NEDD9: variants seen among roughly 807,000 people sequenced by gnomAD.
NEDD9 encodes the protein enhancer of filamentation 1.
In NEDD9, 26 loss-of-function variants were observed where a neutral mutation model predicts 76.6. The ratio of observed to expected loss-of-function variants is 0.34; its 90% CI spans 0.25 to 0.47. The LOEUF is 0.47. Among genes scored for constraint, NEDD9 ranks in the 20% least tolerant of loss-of-function variants. The probability of loss-of-function intolerance (pLI) is 1.00; values close to 1 mark genes in which losing one functional copy is unlikely to be tolerated. For missense variants in NEDD9, 937 were observed against 1,058.5 expected, an observed-to-expected ratio of 0.89 and a Z score of 1.59; for synonymous variants, 392 against 414.2, an observed-to-expected ratio of 0.95 and a Z score of 0.65.
intron 3 of NEDD9, among the ~76,000 whole-genome samples, chr6:11,240,591 G>A (rs763677133): frequency 2.6e-5 from 4 of 152,158 alleles, no homozygotes; most frequent in Admixed American, 6.6e-5. Context: ...AAAACTGTGC[G>A]ATTGTGAAGT....
intron 3 of NEDD9, among the ~76,000 whole-genome samples, chr6:11,291,562 C>A (rs541864154): frequency 1.3e-5 from 2 of 152,298 alleles, no homozygotes; most frequent in East Asian, 3.9e-4. Context: ...GCGTGAGCCA[C>A]CGCGCCCGGC....
At chr6:11,266,651 A>G (rs779278568) in intron 3 of NEDD9, among the ~76,000 whole-genome samples, 4 of 152,172 alleles carry the variant, frequency 2.6e-5, no homozygotes, top group Non-Finnish European at 4.4e-5. Context: ...CTTAGTCTTC[A>G]ACTACTGTAT....
intron 3 of NEDD9, among the ~76,000 whole-genome samples, chr6:11,298,149 C>G (rs1190114510): frequency 6.6e-6 from 1 of 152,120 alleles, no homozygotes; most frequent in African/African-American, 2.4e-5. Context: ...CTCAACTTAT[C>G]TGCCCGCCTT....
At chr6:11,353,388 G>T (rs570409605) in intron 1 of NEDD9, among the ~76,000 whole-genome samples, 1 of 152,218 alleles carries the variant, frequency 6.6e-6, no homozygotes, top group African/African-American at 2.4e-5. Flanking sequence ...TGAAAGAGAC[G>T]CAGAGGGAGA....
chr6:11,243,768 T>A (rs973534370), intron 3 of NEDD9, among the ~76,000 whole-genome samples: 5 of 152,212 alleles, frequency 3.3e-5, no homozygotes, highest in Non-Finnish European at 5.9e-5. Context: ...ATCTATCTCA[T>A]GCTCTCCAAT....
At chr6:11,206,426 A>T (rs560067553) in intron 2 of NEDD9, among the ~76,000 whole-genome samples, 1 of 151,664 alleles carries the variant, frequency 6.6e-6, no homozygotes, top group Non-Finnish European at 1.5e-5. Flanking sequence ...TCTCAAAAAT[A>T]AAAAAAAAGA....
intron 1 of NEDD9, among the ~76,000 whole-genome samples, chr6:11,223,213 A>G (rs1363771871): frequency 6.6e-6 from 1 of 152,242 alleles, no homozygotes; most frequent in Non-Finnish European, 1.5e-5. Context: ...AGGAGGGTCT[A>G]GCTTCAGACT....
Position 11,338,841 on chromosome 6 carries a change from G to A in NEDD9, c.-213-4280C>T, listed in dbSNP as rs140082380. Reference sequence around the variant, plus strand: ...GGAGGCTGAGGCAGGAGAATTGCTTGAACCTGGGAGGCAGAAGTTGCAGTG... The same window carrying A: ...GGAGGCTGAGGCAGGAGAATTGCTTAAACCTGGGAGGCAGAAGTTGCAGTG... On this transcript the variant is annotated intron_variant, in intron 1 of 3. Transcript: ENST00000397378. Among the ~76,000 whole-genome samples the A allele has an allele frequency of 9.0e-4, 136 of 150,862 alleles. 1 individual carries two copies. Among genetic ancestry groups the A allele is most frequent in the Non-Finnish European group, 1.7e-3 (112 of 67,878 alleles).
chr6:11,237,103 C>T (rs1759618708), upstream of NEDD9, among the ~76,000 whole-genome samples: 1 of 152,154 alleles, frequency 6.6e-6, no homozygotes, highest in Non-Finnish European at 1.5e-5. The surrounding 1 kb of genome is among the most constrained non-coding windows in gnomAD (Gnocchi z 4.9). Flanking sequence ...GTCTACAACC[C>T]CCACCCTGCC....
chr6:11,374,167 C>T (rs1762932682), intron 1 of NEDD9, among the ~76,000 whole-genome samples: 1 of 152,062 alleles, frequency 6.6e-6, no homozygotes. Flanking sequence ...CTCAATGAAT[C>T]AATCAATATA....
chr6:11,185,485 C>T lies in NEDD9; in HGVS notation c.2182G>A (p.Ala728Thr), dbSNP rs760782051. ...HFISLLNAID[A>T]LFSCVSSAQP... ...GCTGAGCTGACACAACTGAAGAGTG[C>T]GTCAATGGCGTTGAGAAGGGAAATG... Residue 728 changes from alanine (A) to threonine (T), a missense_variant, in exon 7 of 7, where the codon GCA becomes ACA. Transcript: ENST00000379446. The T allele has an allele frequency of 1.5e-5, 24 of 1,614,150 alleles. 1 individual carries two copies. The highest frequency in any genetic ancestry group is 3.3e-4 in the Middle Eastern group (2 of 6,062).
At position 11,191,098 on chromosome 6, in the gene NEDD9, C is replaced by G; in HGVS notation, c.771G>C (p.Pro257=). The G allele has an allele frequency of 6.2e-7, 1 of 1,613,994 alleles. No homozygotes were observed. The highest frequency in any genetic ancestry group is 8.5e-7 in the Non-Finnish European group (1 of 1,180,018). Residue 257 remains proline, a synonymous_variant, in exon 5 of 7, where the codon CCG becomes CCC. Coordinates refer to ENST00000379446, the MANE Select transcript of NEDD9 (RefSeq NM_006403.4). ...MRQAGRPDLR[P]EGVYDIPPTC... is the part of the protein sequence containing the mutation. The stretch of plus-strand genomic sequence containing the variant: ...TTGGAGGAATGTCATAAACCCCCTC[C>G]GGTCTGAGGTCCGGCCTTCCAGCTT...
intron 2 of NEDD9, among the ~76,000 whole-genome samples, chr6:11,201,630 A>G (rs1758459377): frequency 6.6e-6 from 1 of 152,166 alleles, no homozygotes. Context: ...CTAGTGACTT[A>G]TTATTATTTA....
chr6:11,248,957 C>G (rs1759861533), intron 3 of NEDD9: 1 of 374,598 alleles, frequency 2.7e-6, no homozygotes. Flanking sequence ...CCTGCCTTCT[C>G]CTTCTCTTCT....
chr6:11,358,246 CAAAAAAAAAAAAAAAA>C (rs35011508), intron 1 of NEDD9, among the ~76,000 whole-genome samples: 11 of 61,300 alleles, frequency 1.8e-4, no homozygotes, highest in Non-Finnish European at 3.1e-4. Context: ...AAGACTCCGT[CAAAAAAAAAAAAAAAA>C]AAAAAAAAAA....
At position 11,351,063 on chromosome 6, in the gene NEDD9, G is replaced by A. The variant is rs571924114; in HGVS notation, c.-213-16502C>T. On this transcript the variant is annotated intron_variant, in intron 1 of 3. Coordinates refer to the NEDD9 transcript ENST00000397378. ...TCACAGAGTTGCCATTTTCTTTTGA[G>A]AAGTGGATTCTTAAAGGGAGAAAAG... Among the ~76,000 whole-genome samples the A allele has an allele frequency of 4.6e-5, 7 of 152,310 alleles. No individual in the cohort carries two copies. In the East Asian group the frequency reaches 1.3e-3, roughly 29 times the overall value.
intron 1 of NEDD9, among the ~76,000 whole-genome samples, chr6:11,230,463 A>G (rs1759436101): frequency 6.6e-6 from 1 of 152,250 alleles, no homozygotes; most frequent in Non-Finnish European, 1.5e-5. Context: ...GGGAGAGTTG[A>G]ATATGACAAT....
At chr6:11,287,497 G>A (rs114685449) in intron 3 of NEDD9, among the ~76,000 whole-genome samples, 111 of 150,696 alleles carry the variant, frequency 7.4e-4, no homozygotes, top group African/African-American at 2.7e-3. Context: ...GTGACAAGCT[G>A]GTATGAAGGT....
intron 3 of NEDD9, among the ~76,000 whole-genome samples, chr6:11,275,545 T>TAC (rs71550763): frequency 0.06 from 8,964 of 149,892 alleles, 293 homozygotes; most frequent in African/African-American, 0.093. Context: ...AATACATACA[T>TAC]ACACACACAC....
Sources: allele counts gnomAD v4.1 joint callset (sites outside exome capture counted in the v4.1 genomes callset), GRCh38; gene constraint gnomAD v4.1.1; non-coding constraint Gnocchi (gnomAD v3.1); transcripts MANE v1.5; gene names NCBI Gene and HGNC (gene_info 2026-07-23, HGNC 2026-07-21).